Variants in HS3ST5 observed in about 807,000 individuals in gnomAD.
HS3ST5 encodes the protein heparan sulfate-glucosamine 3-sulfotransferase 5, also known as heparan sulfate glucosamine 3-O-sulfotransferase 5.
HS3ST5 carries 10 observed loss-of-function variants against 25.4 expected under a neutral mutation model. That is an observed-to-expected ratio of 0.39 (90% CI 0.24 to 0.67). The LOEUF (loss-of-function observed/expected upper bound fraction) is 0.67. Among genes scored for constraint, HS3ST5 ranks in the 30% least tolerant of loss-of-function variants. HS3ST5 has a pLI of 0.44. For synonymous variants in HS3ST5, 170 were observed against 162.4 expected, an observed-to-expected ratio of 1.05 and a Z score of -0.36; for missense variants, 324 against 420.7, an observed-to-expected ratio of 0.77 and a Z score of 2.01.
At chr6:114,232,812 CTCT>C (rs753516334) in intron 1 of HS3ST5, among the ~76,000 whole-genome samples, 10 of 152,106 alleles carry the variant, frequency 6.6e-5, no homozygotes, top group Non-Finnish European at 1.2e-4. Flanking sequence ...GTGTATCCTC[CTCT>C]TCTTTTTCTC....
chr6:114,081,686 C>T (rs961893040), intron 3 of HS3ST5, among the ~76,000 whole-genome samples: 2 of 152,172 alleles, frequency 1.3e-5, no homozygotes, highest in African/African-American at 4.8e-5. Flanking sequence ...TCCAATATCT[C>T]CTCCACACTA....
chr6:114,310,604 C>T lies in HS3ST5; in HGVS notation c.-339+31591G>A, dbSNP rs140508107. Among the ~76,000 whole-genome samples, 70 of 151,600 alleles carry T rather than the reference C, an allele frequency of 4.6e-4. 1 individual carries two copies. The highest frequency in any genetic ancestry group is 1.6e-3 in the African/African-American group (66 of 41,294). On this transcript the variant is annotated intron_variant, in intron 1 of 4. Transcript: ENST00000312719. ...TTTTGCATCTAGGTAGAGACCTGTG[C>T]ACAATGGATGTTTGTTGTATATAGA...
intron 3 of HS3ST5, among the ~76,000 whole-genome samples, chr6:114,079,956 T>A (rs977989427): frequency 9.9e-5 from 15 of 152,082 alleles, no homozygotes; most frequent in Non-Finnish European, 8.8e-5. Context: ...TGTTTTTTTT[T>A]AGTAGAGATA....
At chr6:114,257,361 G>A (rs1458639418) in intron 1 of HS3ST5, among the ~76,000 whole-genome samples, 1 of 152,136 alleles carries the variant, frequency 6.6e-6, no homozygotes, top group African/African-American at 2.4e-5. Context: ...TTGACAAATA[G>A]CAACTCATTA....
chr6:114,212,282 C>A (rs1366716274), intron 2 of HS3ST5, among the ~76,000 whole-genome samples: 2 of 152,184 alleles, frequency 1.3e-5, no homozygotes, highest in Non-Finnish European at 2.9e-5. Context: ...ATGGATATTC[C>A]AAATTCCTAA....
At chr6:114,275,432 C>T (rs535292400) in intron 1 of HS3ST5, among the ~76,000 whole-genome samples, 6 of 151,882 alleles carry the variant, frequency 4.0e-5, no homozygotes, top group Middle Eastern at 3.4e-3. Context: ...ATATTTTATG[C>T]TTACAATACA....
chr6:114,118,140 A>G (rs1776619896), intron 3 of HS3ST5, among the ~76,000 whole-genome samples: 1 of 152,182 alleles, frequency 6.6e-6, no homozygotes, highest in South Asian at 2.1e-4. Context: ...CCAGTTGTAA[A>G]TTATCCACAT....
At chr6:114,064,424 A>G (rs914293076) in intron 3 of HS3ST5, among the ~76,000 whole-genome samples, 1 of 152,226 alleles carries the variant, frequency 6.6e-6, no homozygotes, top group African/African-American at 2.4e-5. Flanking sequence ...TAATGTATGA[A>G]TAAGTGTTGG....
At chr6:114,093,381 G>A (rs927957514) in intron 3 of HS3ST5, among the ~76,000 whole-genome samples, 22 of 151,060 alleles carry the variant, frequency 1.5e-4, no homozygotes, top group South Asian at 4.2e-4. Context: ...GTGTGTGTGT[G>A]TGTGTGTGTG....
chr6:114,239,934 CT>C (rs1156359908), intron 1 of HS3ST5, among the ~76,000 whole-genome samples: 1 of 152,006 alleles, frequency 6.6e-6, no homozygotes, highest in African/African-American at 2.4e-5. Context: ...TTCTTAGATA[CT>C]TTGCCAGCAC....
intron 2 of HS3ST5, among the ~76,000 whole-genome samples, chr6:114,201,453 G>A (rs1439455879): frequency 6.6e-6 from 1 of 152,020 alleles, no homozygotes; most frequent in African/African-American, 2.4e-5. Flanking sequence ...CTCTTGTCCT[G>A]CCATCTTTAG....
intron 3 of HS3ST5, among the ~76,000 whole-genome samples, chr6:114,085,117 CTG>C (rs1176789046): frequency 2.0e-5 from 3 of 152,094 alleles, no homozygotes; most frequent in Admixed American, 6.5e-5. Flanking sequence ...TTAAACATAA[CTG>C]TTTTATATTC....
At chr6:114,254,210 T>G (rs1260965643) in intron 1 of HS3ST5, among the ~76,000 whole-genome samples, 1 of 152,204 alleles carries the variant, frequency 6.6e-6, no homozygotes, top group Non-Finnish European at 1.5e-5. Context: ...AGATTTTCTA[T>G]TGTCCCTGCC....
intron 3 of HS3ST5, chr6:114,084,702 G>T: frequency 1.6e-6 from 2 of 1,265,826 alleles, no homozygotes; most frequent in Non-Finnish European, 2.3e-6. Context: ...CGTGGCTCCT[G>T]GAAGGCTGCC....
chr6:114,084,659 T>A (rs574875340), intron 3 of HS3ST5: 24 of 1,096,456 alleles, frequency 2.2e-5, no homozygotes, highest in Non-Finnish European at 3.0e-5. Context: ...GAGAGGCTGA[T>A]GGTCAGCCCT....
At chr6:114,313,991 T>C (rs10447430) in intron 1 of HS3ST5, among the ~76,000 whole-genome samples, 49,561 of 152,176 alleles carry the variant, frequency 0.33, 8,970 homozygotes, top group Non-Finnish European at 0.41. Flanking sequence ...AGTTGTGCAA[T>C]GTCAGCTCAC....
chr6:114,329,573 T>C (rs943865942), intron 1 of HS3ST5, among the ~76,000 whole-genome samples: 4 of 151,990 alleles, frequency 2.6e-5, no homozygotes, highest in African/African-American at 9.7e-5. Context: ...GTGGTGGCAG[T>C]GGAAAGGGAA....
chr6:114,253,131 G>C (rs1045140131), intron 1 of HS3ST5, among the ~76,000 whole-genome samples: 1 of 152,144 alleles, frequency 6.6e-6, no homozygotes, highest in Admixed American at 6.5e-5. Flanking sequence ...GGAGTTCAAG[G>C]CTGCAGTGAG....
intron 1 of HS3ST5, among the ~76,000 whole-genome samples, chr6:114,325,705 T>G (rs1377789056): frequency 6.6e-6 from 1 of 152,120 alleles, no homozygotes; most frequent in Admixed American, 6.5e-5. Context: ...CCCACTCAGT[T>G]TTATGCAGGC....
Sources: allele counts gnomAD v4.1 joint callset (sites outside exome capture counted in the v4.1 genomes callset), GRCh38; gene constraint gnomAD v4.1.1; transcripts MANE v1.5; gene names NCBI Gene and HGNC (gene_info 2026-07-23, HGNC 2026-07-21).